Variants in HDAC9 observed in about 807,000 individuals in gnomAD.
HDAC9 encodes histone deacetylase 9, also known as MEF-2 interacting transcription repressor (MITR) protein.
A neutral mutation model predicts 139.4 loss-of-function variants in HDAC9; 41 were observed. The observed-to-expected ratio is 0.29, with a 90% CI of 0.23 to 0.38. HDAC9 has a LOEUF of 0.38. HDAC9 is among the 10% of genes least tolerant of loss of function. The pLI, the probability that HDAC9 is intolerant of heterozygous loss-of-function variation, is 1.00. For synonymous variants in HDAC9, 517 were observed against 476.2 expected (o/e 1.09, Z -1.12); for missense variants, 1,147 against 1,297.0 (o/e 0.88, Z 1.78).
chr7:18,727,671 T>C lies in HDAC9; in HGVS notation c.1823T>C (p.Leu608Pro). Residue 608 changes from leucine to proline, a missense_variant, in exon 13 of 26, where the codon CTC (leucine) becomes CCC (proline). By Grantham distance (98) the Leu-to-Pro change is moderately conservative. Coordinates refer to ENST00000686413, the MANE Select transcript of HDAC9 (RefSeq NM_178425.4). ...VGMDGLEKHR[L>P]VSRTHSSPAA... The stretch of plus-strand genomic sequence containing the variant: ...ATGGATGGATTAGAGAAACACCGTC[T>C]CGTCTCCAGGACTCACTCTTCCCCT... 6.3e-7 allele frequency: 1 copy of C among 1,592,614 alleles called. No individual in the cohort carries two copies.
chr7:18,754,381 A>C (rs1412341639), intron 14 of HDAC9, among the ~76,000 whole-genome samples: 1 of 152,050 alleles, frequency 6.6e-6, no homozygotes, highest in African/African-American at 2.4e-5. Context: ...AAAATTGTGG[A>C]GGTTGACCCA....
At chr7:18,561,974 C>T (rs973338038) in intron 2 of HDAC9, among the ~76,000 whole-genome samples, 2 of 152,108 alleles carry the variant, frequency 1.3e-5, no homozygotes, top group Non-Finnish European at 2.9e-5. Flanking sequence ...TTTGCTGGCT[C>T]GTAAGTACTT....
chr7:18,667,361 A>G, intron 12 of HDAC9: 1 of 984,148 alleles, frequency 1.0e-6, no homozygotes. Flanking sequence ...AATCAGTTTG[A>G]AAAGAAGGTG....
At chr7:18,660,726 G>A (rs1445042023) in intron 11 of HDAC9, among the ~76,000 whole-genome samples, 1 of 152,072 alleles carries the variant, frequency 6.6e-6, no homozygotes, top group Non-Finnish European at 1.5e-5. Flanking sequence ...AAGATTTGAG[G>A]GAGTAGAGAG....
chr7:18,392,333 A>T (rs1307216955), intron 1 of HDAC9, among the ~76,000 whole-genome samples: 1 of 150,952 alleles, frequency 6.6e-6, no homozygotes, highest in Non-Finnish European at 1.5e-5. Flanking sequence ...ACACACACAC[A>T]CACACACACA....
At chr7:18,959,137 CT>C (rs1783357876) in intron 24 of HDAC9, among the ~76,000 whole-genome samples, 1 of 152,100 alleles carries the variant, frequency 6.6e-6, no homozygotes, top group Admixed American at 6.6e-5. Flanking sequence ...CGCCAGAGTT[CT>C]AAAACACCAC....
At chr7:18,263,645 G>A (rs1165181099) in intron 2 of HDAC9, among the ~76,000 whole-genome samples, 1 of 147,646 alleles carries the variant, frequency 6.8e-6, no homozygotes, top group Non-Finnish European at 1.5e-5. Context: ...GTCTTGCTCT[G>A]TCACCTAGGC....
At chr7:18,314,418 A>G (rs1009023042) in intron 1 of HDAC9, among the ~76,000 whole-genome samples, 1 of 152,218 alleles carries the variant, frequency 6.6e-6, no homozygotes, top group Non-Finnish European at 1.5e-5. Context: ...ATTAGACTGG[A>G]CTTGCAGTGT....
intron 6 of HDAC9, among the ~76,000 whole-genome samples, chr7:18,605,901 C>G (rs554895473): frequency 6.6e-6 from 1 of 152,162 alleles, no homozygotes; most frequent in African/African-American, 2.4e-5. Flanking sequence ...AGGATGGTCT[C>G]CATCTCCTGA....
At chr7:18,289,252 A>C (rs1797649871), upstream of HDAC9, among the ~76,000 whole-genome samples, 1 of 152,158 alleles carries the variant, frequency 6.6e-6, no homozygotes, top group Admixed American at 6.6e-5. Context: ...ATTTCCCTTC[A>C]GTGTAGTACT....
At chr7:18,861,999 T>C (rs973799637) in intron 21 of HDAC9, among the ~76,000 whole-genome samples, 1 of 151,950 alleles carries the variant, frequency 6.6e-6, no homozygotes, top group African/African-American at 2.4e-5. Context: ...TTTGATGTAG[T>C]GAAATGATAT....
chr7:18,184,223 AC>A (rs1194935661), intron 2 of HDAC9, among the ~76,000 whole-genome samples: 2 of 151,938 alleles, frequency 1.3e-5, no homozygotes, highest in African/African-American at 4.8e-5. Context: ...ACATGGAGAA[AC>A]CCCGTCTCTA....
At chr7:18,320,717 A>G (rs918382324) in intron 1 of HDAC9, among the ~76,000 whole-genome samples, 7 of 152,194 alleles carry the variant, frequency 4.6e-5, no homozygotes, top group Non-Finnish European at 7.3e-5. Context: ...GAGTGAGCAG[A>G]TAAGTCTGAC....
chr7:18,522,121 G>A (rs145496891), intron 2 of HDAC9, among the ~76,000 whole-genome samples: 1 of 152,220 alleles, frequency 6.6e-6, no homozygotes, highest in African/African-American at 2.4e-5. Flanking sequence ...AATTAACACC[G>A]CGAGAAATGT....
intron 11 of HDAC9, among the ~76,000 whole-genome samples, chr7:18,658,101 T>C (rs1287312549): frequency 6.6e-6 from 1 of 152,100 alleles, no homozygotes; most frequent in South Asian, 2.1e-4. Flanking sequence ...GAGGGGTCTT[T>C]ATTGCCCATC....
intron 21 of HDAC9, among the ~76,000 whole-genome samples, chr7:18,865,330 T>A (rs1798409273): frequency 6.6e-6 from 1 of 152,034 alleles, no homozygotes; most frequent in Non-Finnish European, 1.5e-5. Context: ...GCTTTGGGTT[T>A]GAGAAAGAGA....
chr7:18,462,344 A>G (rs1247166647), intron 1 of HDAC9, among the ~76,000 whole-genome samples: 1 of 152,040 alleles, frequency 6.6e-6, no homozygotes, highest in African/African-American at 2.4e-5. Flanking sequence ...CTAGGTTCAC[A>G]TTATTACTCG....
At position 18,788,325 on chromosome 7, in the gene HDAC9, A is replaced by G. The variant is rs188075434; in HGVS notation, c.2215-5020A>G. Among the ~76,000 whole-genome samples, 6 of 152,296 alleles carry G rather than the reference A, an allele frequency of 3.9e-5. No homozygotes were observed. The East Asian group carries it at 1.2e-3, about 29-fold the overall frequency. The stretch of plus-strand genomic sequence containing the variant: ...CCCCTTGGAGGATTGTGAGAACTTG[A>G]GACTTCCAGCTGCACTCTACAGGAA... On this transcript the variant is annotated intron_variant, in intron 16 of 25. Coordinates refer to ENST00000686413, the MANE Select transcript of HDAC9 (RefSeq NM_178425.4).
chr7:18,107,818 G>A (rs567669419), intron 1 of HDAC9, among the ~76,000 whole-genome samples: 3 of 152,258 alleles, frequency 2.0e-5, no homozygotes, highest in Admixed American at 2.0e-4. Flanking sequence ...GGTAGATAGT[G>A]GCTGGTTAAT....
Sources: allele counts gnomAD v4.1 joint callset (sites outside exome capture counted in the v4.1 genomes callset), GRCh38; gene constraint gnomAD v4.1.1; transcripts MANE v1.5; gene names NCBI Gene and HGNC (gene_info 2026-07-23, HGNC 2026-07-21).